Variants in KCNMB4 observed in about 807,000 individuals in gnomAD.
The protein encoded by KCNMB4 is calcium-activated potassium channel subunit beta-4.
KCNMB4 carries 3 observed loss-of-function variants against 20.7 expected under a neutral mutation model. The observed-to-expected ratio is 0.14, with a 90% CI of 0.07 to 0.37. The LOEUF is 0.37. Ranked by LOEUF, KCNMB4 falls within the 10% of genes least tolerant of loss-of-function variation. The pLI is 1.00. For synonymous variants in KCNMB4, 110 were observed against 113.4 expected (o/e 0.97, Z 0.19); for missense variants, 168 against 265.9 (o/e 0.63, Z 2.56).
At chr12:70,401,452 G>A (rs558762777) in intron 2 of KCNMB4, among the ~76,000 whole-genome samples, 4 of 152,048 alleles carry the variant, frequency 2.6e-5, no homozygotes, top group South Asian at 2.1e-4. Context: ...CGCCTCCACC[G>A]TGGACCCACT....
At chr12:70,406,695 TG>T (rs1371938913) in intron 2 of KCNMB4, among the ~76,000 whole-genome samples, 1 of 152,154 alleles carries the variant, frequency 6.6e-6, no homozygotes, top group Non-Finnish European at 1.5e-5. Context: ...CCTGACTAGC[TG>T]GTGACCATGT....
At chr12:70,406,243 A>G (rs899613689) in intron 2 of KCNMB4, among the ~76,000 whole-genome samples, 1 of 152,208 alleles carries the variant, frequency 6.6e-6, no homozygotes, top group African/African-American at 2.4e-5. Flanking sequence ...ATACTGTACT[A>G]TCACCAACAG....
At chr12:70,378,471 T>C (rs891885464) in intron 1 of KCNMB4, among the ~76,000 whole-genome samples, 3 of 152,216 alleles carry the variant, frequency 2.0e-5, no homozygotes, top group Non-Finnish European at 2.9e-5. Flanking sequence ...TTCATTTACT[T>C]TGCCCAGATC....
intron 2 of KCNMB4, among the ~76,000 whole-genome samples, chr12:70,425,793 C>T (rs1022878615): frequency 5.9e-5 from 9 of 152,192 alleles, no homozygotes; most frequent in Non-Finnish European, 1.3e-4. Flanking sequence ...GAGTCTTGAA[C>T]GATTTGCTCT....
chr12:70,396,551 C>G (rs1442703152), intron 1 of KCNMB4, among the ~76,000 whole-genome samples: 1 of 152,130 alleles, frequency 6.6e-6, no homozygotes, highest in Non-Finnish European at 1.5e-5. Context: ...AGTGATCTGC[C>G]CGCCTCAACC....
rs763288315 is a variant in KCNMB4, at chr12:70,367,065, C to G, written c.331C>G (p.Pro111Ala). 1 of 1,518,362 alleles carries G rather than the reference C, an allele frequency of 6.6e-7. No homozygotes were observed. The highest frequency in any genetic ancestry group is 1.3e-5 in the South Asian group (1 of 79,018). 94.1% of individuals were successfully genotyped at this position (1,518,362 alleles called of 1,614,324 possible). The change falls in exon 1 of 3, where the codon CCC (proline) becomes GCC (alanine). Residue 111 changes from proline (P) to alanine (A), a missense_variant. Physicochemically the swap from Pro to Ala is conservative, Grantham distance 27. Transcript: ENST00000258111. ...HSDEHQLLTN[P>A]KCSYIPPCKR... is the part of the protein sequence containing the mutation. ...CGACGAGCACCAGCTCCTGACCAAC[C>G]CCAAGGTAAGAACGCCCCGCGCACC...
At chr12:70,384,709 ACT>A (rs747973276) in intron 1 of KCNMB4, among the ~76,000 whole-genome samples, 38 of 152,096 alleles carry the variant, frequency 2.5e-4, no homozygotes, top group East Asian at 2.1e-3. Context: ...ACATAGTGAA[ACT>A]CTGTTTCTAA....
intron 1 of KCNMB4, among the ~76,000 whole-genome samples, chr12:70,388,496 C>T (rs1160816533): frequency 1.3e-5 from 2 of 151,888 alleles, no homozygotes; most frequent in Non-Finnish European, 2.9e-5. Context: ...ACAAGGATTC[C>T]CTTTTCTCTA....
intron 1 of KCNMB4, among the ~76,000 whole-genome samples, chr12:70,373,615 G>A (rs775108621): frequency 6.6e-6 from 1 of 152,200 alleles, no homozygotes. Flanking sequence ...AAGCCACTAA[G>A]TTTGTGTTAC....
chr12:70,426,881 G>A (rs558345930), intron 2 of KCNMB4, among the ~76,000 whole-genome samples: 19 of 152,256 alleles, frequency 1.2e-4, no homozygotes, highest in African/African-American at 4.6e-4. Flanking sequence ...GCTTAGGGAA[G>A]TTTTTCTATG....
chr12:70,422,616 T>G, intron 2 of KCNMB4: 34 of 1,017,124 alleles, frequency 3.3e-5, no homozygotes, highest in Non-Finnish European at 4.5e-5. Context: ...ATAAAGCCTT[T>G]TTGTGCCAAG....
chr12:70,412,398 C>T (rs191724047), intron 2 of KCNMB4, among the ~76,000 whole-genome samples: 1 of 152,306 alleles, frequency 6.6e-6, no homozygotes, highest in Non-Finnish European at 1.5e-5. Flanking sequence ...CCTGCCCTGG[C>T]CATGCTACCT....
At chr12:70,402,362 G>T (rs1281811658) in intron 2 of KCNMB4, among the ~76,000 whole-genome samples, 1 of 152,022 alleles carries the variant, frequency 6.6e-6, no homozygotes, top group African/African-American at 2.4e-5. Flanking sequence ...GAAATGCAAG[G>T]CCAGGCATGG....
chr12:70,409,435 A>G (rs912650654), intron 2 of KCNMB4, among the ~76,000 whole-genome samples: 1 of 152,192 alleles, frequency 6.6e-6, no homozygotes, highest in Admixed American at 6.5e-5. Context: ...CCTTCTTCTT[A>G]TCTATAGGAT....
In KCNMB4 at chr12:70,369,452, AC is replaced by A. The variant is rs546152779; in HGVS notation, c.336+2383del. The stretch of plus-strand genomic sequence containing the variant: ...GCTGCCTAGATCTTTTCTTTGCCTT[AC>A]TTTACCTCTTTATTGAAGGCCTATG... On this transcript the variant is annotated intron_variant, in intron 1 of 2. Coordinates refer to ENST00000258111, the MANE Select transcript of KCNMB4 (RefSeq NM_014505.6). Among the ~76,000 whole-genome samples the A allele has an allele frequency of 4.3e-3, 662 of 152,266 alleles. 6 individuals carry two copies. Among genetic ancestry groups the A allele is most frequent in the African/African-American group, 0.015 (631 of 41,558 alleles).
chr12:70,380,715 A>G (rs181374292), intron 1 of KCNMB4, among the ~76,000 whole-genome samples: 51 of 152,256 alleles, frequency 3.3e-4, no homozygotes, highest in African/African-American at 1.2e-3. Context: ...AGAGCATTCA[A>G]TAGGGAAAGA....
rs1240581401 is a variant in KCNMB4, at chr12:70,432,311, A to G, written c.*1658A>G. The G allele has an allele frequency of 6.6e-6, 1 of 152,092 alleles. No individual in the cohort carries two copies. The highest frequency in any genetic ancestry group is 1.5e-5 in the Non-Finnish European group (1 of 68,016). 9.4% of individuals were successfully genotyped at this position (152,092 alleles called of 1,614,324 possible). Reference sequence around the variant, plus strand: ...CCCAAAGTGCTGGGATTACAGGCCAATGTTTTCTTAATCTTAGAATGTGAA... The same window carrying G: ...CCCAAAGTGCTGGGATTACAGGCCAGTGTTTTCTTAATCTTAGAATGTGAA... On this transcript the variant is annotated 3_prime_UTR_variant, in exon 3 of 3. Transcript: ENST00000258111.
chr12:70,367,944 T>A (rs1431195906), intron 1 of KCNMB4, among the ~76,000 whole-genome samples: 2 of 151,918 alleles, frequency 1.3e-5, no homozygotes, highest in African/African-American at 4.8e-5. Flanking sequence ...CTCAGAAAAC[T>A]GTTCCCAATG....
chr12:70,396,856 A>G (rs1473887594), intron 1 of KCNMB4, among the ~76,000 whole-genome samples: 2 of 152,196 alleles, frequency 1.3e-5, no homozygotes, highest in Admixed American at 1.3e-4. Flanking sequence ...CATTTGTGTG[A>G]CTGGATTCTC....
Sources: gnomAD v4.1 joint callset for allele counts (sites outside exome capture counted in the v4.1 genomes callset) on GRCh38, gnomAD v4.1.1 for gene constraint, MANE v1.5 for transcripts, NCBI Gene and HGNC (gene_info 2026-07-23, HGNC 2026-07-21) for gene names.